The following GCC2 variants were observed in gnomAD, a reference collection of about 807,000 sequenced individuals.
GCC2 encodes GRIP and coiled-coil domain containing 2.
A neutral mutation model predicts 210.6 loss-of-function variants in GCC2; 120 were observed. That is an observed-to-expected ratio of 0.57 (90% CI 0.49 to 0.66). GCC2 has a LOEUF of 0.66. GCC2 is among the 30% of genes least tolerant of loss of function. The pLI, the probability that GCC2 is intolerant of heterozygous loss-of-function variation, is 0.00. For missense variants in GCC2, 1,868 were observed against 1,871.9 expected (o/e 1.00, Z 0.04); for synonymous variants, 703 against 652.7 (o/e 1.08, Z -1.17).
rs1480930422 is a variant in GCC2 at position 108,471,744 on chromosome 2, T to C, written c.2415T>C (p.Asp805=). 1 of 1,613,044 alleles carries C rather than the reference T, an allele frequency of 6.2e-7. No individual in the cohort carries two copies. Among genetic ancestry groups the C allele is most frequent in the Non-Finnish European group, 8.5e-7 (1 of 1,179,604 alleles). The part of the protein sequence containing the change: ...EEKCNLAFQR[D]EKVLELEKEI... ...AATGCAACCTGGCTTTTCAGCGTGA[T>C]GAAAAAGTATTAGAGTTAGAAAAAG... The change falls in exon 6 of 23, where the codon GAT becomes GAC. Residue 805 remains aspartate (D), a synonymous_variant. Transcript: ENST00000309863.
At chr2:108,473,098 C>T (rs1247024520) in intron 7 of GCC2, 199 bp downstream of exon 7, 1 of 457,066 alleles carries the variant, frequency 2.2e-6, no homozygotes, top group Admixed American at 4.4e-5. Flanking sequence ...TATTGTTTAA[C>T]CCAAGCAAGA....
chr2:108,501,539 C>T (rs1471557073), intron 22 of GCC2, among the ~76,000 whole-genome samples: 4 of 152,136 alleles, frequency 2.6e-5, no homozygotes, highest in African/African-American at 9.6e-5. Flanking sequence ...AATGTCCAGA[C>T]ATCTTACTTT....
rs772560484 is a variant in GCC2 at position 108,471,862 on chromosome 2, A to G, written c.2533A>G (p.Lys845Glu). The G allele has an allele frequency of 6.2e-7, 1 of 1,612,870 alleles. No homozygotes were observed. The highest frequency in any genetic ancestry group is 1.1e-5 in the South Asian group (1 of 90,868). The change falls in exon 6 of 23, where the codon AAA becomes GAA. Residue 845 changes from lysine (K) to glutamate (E), a missense_variant. By Grantham distance (56) the Lys-to-Glu change is moderately conservative. Transcript: ENST00000309863. The stretch of plus-strand genomic sequence containing the variant: ...TGAGCAAGAGAAAGTTCTCTTAAGG[A>G]AAGAGTTAGAAGAAATACAGTCAGA... Reference protein sequence around the residue: ...DYEQEKVLLRKELEEIQSEKE... With the variant: ...DYEQEKVLLREELEEIQSEKE...
At position 108,508,938 on chromosome 2, in the gene GCC2, T is replaced by C. The variant is rs896181236; in HGVS notation, c.*1308T>C. 4 of 152,692 alleles carry C rather than the reference T, an allele frequency of 2.6e-5. No homozygotes were observed. The highest frequency in any genetic ancestry group is 5.9e-5 in the Non-Finnish European group (4 of 68,046). 9.5% of individuals were successfully genotyped at this position (152,692 alleles called of 1,614,324 possible). A position where few individuals can be genotyped will look rare whatever the true frequency, so the allele number is the denominator to read the frequency against. On this transcript the variant is annotated 3_prime_UTR_variant, in exon 23 of 23. Transcript: ENST00000309863. ...GAGCTGGAGAACTGGCTTTGCACTTTGGTTACACAGAACATTGGTTTCCAA... is the reference window on the plus strand; with the variant it reads ...GAGCTGGAGAACTGGCTTTGCACTTCGGTTACACAGAACATTGGTTTCCAA...
At position 108,470,848 on chromosome 2, in the gene GCC2, T is replaced by C. The variant is rs1681166534; in HGVS notation, c.1519T>C (p.Ser507Pro). 2 of 1,613,706 alleles carry C rather than the reference T, an allele frequency of 1.2e-6. No homozygotes were observed. The highest frequency in any genetic ancestry group is 1.3e-5 in the African/African-American group (1 of 74,886). ...SAGKISQEFE[S>P]MKQQQASDVH... is the part of the protein sequence containing the mutation. Reference sequence around the variant, plus strand: ...TGGAAAAATAAGTCAAGAGTTCGAATCAATGAAGCAACAGCAAGCATCTGA... The same window carrying C: ...TGGAAAAATAAGTCAAGAGTTCGAACCAATGAAGCAACAGCAAGCATCTGA... The change falls in exon 6 of 23, where the codon TCA becomes CCA. Residue 507 changes from serine (S) to proline (P), a missense_variant. This residue lies in a region of GCC2 where 1,847 missense variants were observed against 1,765.2 expected (regional missense o/e 1.05). Transcript: ENST00000309863.
chr2:108,486,234 T>A (rs976951643), intron 15 of GCC2, among the ~76,000 whole-genome samples: 2 of 152,134 alleles, frequency 1.3e-5, no homozygotes, highest in South Asian at 4.1e-4. Context: ...GTGTATATTT[T>A]TATATATATA....
chr2:108,455,177 C>T (rs186472570), intron 4 of GCC2, among the ~76,000 whole-genome samples: 205 of 152,328 alleles, frequency 1.3e-3, no homozygotes, highest in Middle Eastern at 0.01. Flanking sequence ...CGGTGGCTCA[C>T]ATCTGTAATC....
chr2:108,461,313 G>C (rs1680557491), intron 4 of GCC2, among the ~76,000 whole-genome samples: 1 of 150,712 alleles, frequency 6.6e-6, no homozygotes, highest in Non-Finnish European at 1.5e-5. Context: ...CCTCTTTGCT[G>C]TTTTTAGAAT....
rs1172973130 is a variant in GCC2, at chr2:108,485,815, G to T, written c.3715-16G>T. The stretch of plus-strand genomic sequence containing the variant: ...GTAACATTAAAAAAAATTTAACCAA[G>T]ATTCTCATTCTATAGGAAACTGATC... On this transcript the variant is annotated splice_polypyrimidine_tract_variant and intron_variant, in intron 14 of 22. Coordinates refer to ENST00000309863, the MANE Select transcript of GCC2 (RefSeq NM_181453.4). 2 of 1,528,906 alleles carry T rather than the reference G, an allele frequency of 1.3e-6. No homozygotes were observed. The highest frequency in any genetic ancestry group is 2.3e-5 in the East Asian group (1 of 43,984). 94.7% of individuals were successfully genotyped at this position (1,528,906 alleles called of 1,614,324 possible). A position where few individuals can be genotyped will look rare whatever the true frequency, so the allele number is the denominator to read the frequency against.
rs765328188 is a variant in GCC2 at position 108,492,771 on chromosome 2, G to A, written c.4428G>A (p.Lys1476=). 6.2e-7 allele frequency: 1 copy of A among 1,611,854 alleles called. No homozygotes were observed. Among genetic ancestry groups the A allele is most frequent in the East Asian group, 2.2e-5 (1 of 44,864 alleles). Residue 1476 remains lysine, a synonymous_variant, in exon 19 of 23, where the codon AAG becomes AAA. Coordinates refer to ENST00000309863, the MANE Select transcript of GCC2 (RefSeq NM_181453.4). Reference sequence around the variant, plus strand: ...TGGAAGCACAGCTCTTCCAGCTTAAGAATGAACCGACCACAAGAAGTATGT... The same window carrying A: ...TGGAAGCACAGCTCTTCCAGCTTAAAAATGAACCGACCACAAGAAGTATGT... ...SKMEAQLFQL[K]NEPTTRSPVS... is the part of the protein sequence containing the mutation.
chr2:108,468,727 C>T (rs143691846), intron 4 of GCC2, among the ~76,000 whole-genome samples: 1 of 152,336 alleles, frequency 6.6e-6, no homozygotes, highest in African/African-American at 2.4e-5. Context: ...TTTCCTTGTG[C>T]AGGTCCTTAG....
Position 108,471,943 on chromosome 2 carries a change from A to G in GCC2, c.2614A>G (p.Arg872Gly), listed in dbSNP as rs747868838. Residue 872 changes from arginine to glycine, a missense_variant, in exon 6 of 23, where the codon AGG becomes GGG. By Grantham distance (125) the Arg-to-Gly change is moderately radical. This residue lies in a region of GCC2 where 1,847 missense variants were observed against 1,765.2 expected (regional missense o/e 1.05). Transcript: ENST00000309863. ...AATGAAGAATGCTAATGAAAAAACA[A>G]GGCTTGAAAATCAGAATCTTTTAAT... is the stretch of plus-strand genomic sequence containing the variant. ...LEMKNANEKT[R>G]LENQNLLIQV... The G allele has an allele frequency of 6.2e-6, 10 of 1,603,416 alleles. No individual in the cohort carries two copies. The South Asian group carries it at 1.0e-4, about 16-fold the overall frequency.
intron 15 of GCC2, among the ~76,000 whole-genome samples, chr2:108,486,252 G>C (rs1351267543): frequency 1.3e-5 from 2 of 152,032 alleles, no homozygotes. Context: ...ATAATGTCTT[G>C]AAGTATTTAA....
intron 9 of GCC2, among the ~76,000 whole-genome samples, chr2:108,477,475 A>G (rs1194748323): frequency 2.0e-5 from 3 of 152,192 alleles, no homozygotes; most frequent in Non-Finnish European, 4.4e-5. Flanking sequence ...GGGTCACAGA[A>G]CAAGTAACAG....
At chr2:108,493,174 C>T (rs1404331477) in intron 19 of GCC2, 1 of 260,980 alleles carries the variant, frequency 3.8e-6, no homozygotes, top group Admixed American at 5.0e-5. Flanking sequence ...ACTGCAAGCT[C>T]CACCTCCCGA....
chr2:108,488,982 A>G (rs961908157), intron 17 of GCC2, among the ~76,000 whole-genome samples: 2 of 152,176 alleles, frequency 1.3e-5, no homozygotes, highest in Non-Finnish European at 2.9e-5. Flanking sequence ...GACCATGCCT[A>G]AATTTTGAGT....
chr2:108,466,505 C>T (rs1325258842), intron 4 of GCC2, among the ~76,000 whole-genome samples: 1 of 151,884 alleles, frequency 6.6e-6, no homozygotes, highest in East Asian at 1.9e-4. Context: ...CAGAGTCTCG[C>T]TCTGTCACCC....
chr2:108,471,276 A>G lies in GCC2; in HGVS notation c.1947A>G (p.Thr649=). Residue 649 remains threonine (T), a synonymous_variant, in exon 6 of 23, where the codon ACA becomes ACG. Coordinates refer to ENST00000309863, the MANE Select transcript of GCC2 (RefSeq NM_181453.4). ...SELEQKVNEL[T]GGLEETLKEK... ...TAGAACAAAAGGTAAATGAATTAAC[A>G]GGAGGACTAGAGGAGACTTTAAAAG... 6.2e-7 allele frequency: 1 copy of G among 1,610,212 alleles called. No individual in the cohort carries two copies. The highest frequency in any genetic ancestry group is 1.3e-5 in the African/African-American group (1 of 74,470).
rs535740617 is a variant in GCC2 at position 108,482,700 on chromosome 2, G to A, written c.3345+249G>A. On this transcript the variant is annotated intron_variant, in intron 11 of 22. Transcript: ENST00000309863. The stretch of plus-strand genomic sequence containing the variant: ...TTATTTTATTTTATTTTTTTGAGAC[G>A]GAGTCTCGCTCTGTTGCCCAGGCTG... Among the ~76,000 whole-genome samples the A allele has an allele frequency of 1.5e-3, 231 of 151,906 alleles. 1 individual carries two copies. The highest frequency in any genetic ancestry group is 5.5e-3 in the African/African-American group (226 of 41,424).
Sources: gnomAD v4.1 joint callset for allele counts (sites outside exome capture counted in the v4.1 genomes callset) on GRCh38, gnomAD v4.1.1 for gene constraint, gnomAD v4.1.1 regional missense constraint, MANE v1.5 for transcripts, NCBI Gene and HGNC (gene_info 2026-07-23, HGNC 2026-07-21) for gene names.